Variants in NASP observed in about 807,000 individuals in gnomAD.
NASP encodes nuclear autoantigenic sperm protein.
Under a neutral mutation model 89.5 loss-of-function variants are expected in NASP, and 24 were observed. The observed-to-expected ratio is 0.27, with a 90% CI of 0.19 to 0.38. The LOEUF (loss-of-function observed/expected upper bound fraction) is 0.38. Ranked by LOEUF, NASP falls within the 10% of genes least tolerant of loss-of-function variation. NASP has a pLI of 1.00. For missense variants in NASP, 848 were observed against 921.4 expected, an observed-to-expected ratio of 0.92 and a Z score of 1.03; for synonymous variants, 306 against 324.7, an observed-to-expected ratio of 0.94 and a Z score of 0.62.
At chr1:45,585,354 C>T (rs561200268) in intron 1 of NASP, among the ~76,000 whole-genome samples, 9 of 152,198 alleles carry the variant, frequency 5.9e-5, no homozygotes, top group African/African-American at 2.2e-4. Context: ...ATTCTATAGG[C>T]TTACACTCTG....
intron 1 of NASP, chr1:45,588,727 A>G: frequency 2.7e-6 from 1 of 376,798 alleles, no homozygotes; most frequent in Non-Finnish European, 5.2e-6. Context: ...TCACGAGGTC[A>G]GGAGATCGAG....
chr1:45,585,767 ATCTTCCCTAGTAGC>A (rs779314019), intron 1 of NASP, among the ~76,000 whole-genome samples: 1 of 152,074 alleles, frequency 6.6e-6, no homozygotes, highest in Non-Finnish European at 1.5e-5. Context: ...GGCACAACTG[ATCTTCCCTAGTAGC>A]TTGGGACTAC....
chr1:45,587,249 A>G (rs1034485975), intron 1 of NASP, among the ~76,000 whole-genome samples: 1 of 151,422 alleles, frequency 6.6e-6, no homozygotes, highest in South Asian at 2.1e-4. Flanking sequence ...GCAGTGGCAC[A>G]ATCTCTGCTC....
At chr1:45,617,123 G>GT (rs1052073722) in intron 13 of NASP, 26 of 307,804 alleles carry the variant, frequency 8.4e-5, no homozygotes, top group Admixed American at 7.7e-4. Context: ...GATTATAAGC[G>GT]TGAGCCACTG....
Position 45,607,617 on chromosome 1 carries a change from G to A in NASP, c.706G>A (p.Val236Ile). 5 of 1,614,144 alleles carry A rather than the reference G, an allele frequency of 3.1e-6. No homozygotes were observed. The highest frequency in any genetic ancestry group is 1.1e-5 in the South Asian group (1 of 91,076). ...CACTTCTGGGAAGCCAGAACAGGAAGTACCAGATGCTGAGGAAGAAAAATC... is the reference window on the plus strand; with the variant it reads ...CACTTCTGGGAAGCCAGAACAGGAAATACCAGATGCTGAGGAAGAAAAATC... ...EVTSGKPEQE[V>I]PDAEEEKSVS... Residue 236 changes from valine (V) to isoleucine (I), a missense_variant, in exon 6 of 15, where the codon GTA becomes ATA. Physicochemically the swap from Val to Ile is conservative, Grantham distance 29. This residue lies in a region of NASP where 464 missense variants were observed against 469.4 expected (regional missense o/e 0.99). Transcript: ENST00000350030.
At chr1:45,588,608 G>T in intron 1 of NASP, 1 of 453,226 alleles carries the variant, frequency 2.2e-6, no homozygotes, top group South Asian at 1.6e-5. Context: ...TATTCGATGG[G>T]TAAAACATAC....
intron 1 of NASP, among the ~76,000 whole-genome samples, chr1:45,584,974 G>T (rs576070903): frequency 6.6e-6 from 1 of 152,234 alleles, no homozygotes; most frequent in Non-Finnish European, 1.5e-5. Context: ...TGTCTGTTTG[G>T]GGGGAACATT....
chr1:45,587,869 G>A (rs1005980440), intron 1 of NASP, among the ~76,000 whole-genome samples: 43 of 150,452 alleles, frequency 2.9e-4, no homozygotes, highest in African/African-American at 1.0e-3. Flanking sequence ...TCCTGTAATC[G>A]CTTGAAACCG....
At chr1:45,586,781 C>T (rs1415381939) in intron 1 of NASP, among the ~76,000 whole-genome samples, 1 of 151,896 alleles carries the variant, frequency 6.6e-6, no homozygotes, top group Non-Finnish European at 1.5e-5. Context: ...CATTATAATT[C>T]GAGGATGACC....
chr1:45,606,694 G>C (rs916568819), intron 5 of NASP, 103 bp downstream of exon 5: 10 of 703,554 alleles, frequency 1.4e-5, no homozygotes, highest in Non-Finnish European at 2.1e-5. Context: ...TCTCTCCTAA[G>C]ATGCTTGGGG....
chr1:45,616,713 C>T lies in NASP; in HGVS notation c.2157+10C>T, dbSNP rs749666722. On this transcript the variant is annotated intron_variant, in intron 13 of 14. Transcript: ENST00000350030. ...CCTTGTCAGAAAGAAGGTAAGTCTA[C>T]ATGTGGTGTTTCTTTTCTACCGTTT... The T allele has an allele frequency of 3.1e-6, 5 of 1,607,350 alleles. No individual in the cohort carries two copies. The Admixed American group carries it at 5.0e-5, about 16-fold the overall frequency.
At chr1:45,617,947 G>A in intron 14 of NASP, 114 bp from the exon 15 acceptor site, 1 of 884,930 alleles carries the variant, frequency 1.1e-6, no homozygotes, top group Non-Finnish European at 1.8e-6. Context: ...AATATAGGGA[G>A]CAAAGCAGAG....
At chr1:45,600,014 GTCCC>G (rs1643802003) in intron 2 of NASP, among the ~76,000 whole-genome samples, 1 of 91,840 alleles carries the variant, frequency 1.1e-5, no homozygotes, top group Non-Finnish European at 2.0e-5. Context: ...ATTTGACATT[GTCCC>G]TGTGGTCTTA....
At chr1:45,603,790 G>A (rs923387846) in intron 3 of NASP, among the ~76,000 whole-genome samples, 6 of 151,928 alleles carry the variant, frequency 3.9e-5, no homozygotes, top group African/African-American at 1.5e-4. Context: ...TGTATTTTTA[G>A]TAGAGATGGG....
At chr1:45,615,662 ACTTACGTGTG>A in intron 11 of NASP, 191 bp downstream of exon 11, 1 of 566,812 alleles carries the variant, frequency 1.8e-6, no homozygotes. Flanking sequence ...TTAATTCCAT[ACTTACGTGTG>A]GCCATGGGCC....
At position 45,584,079 on chromosome 1, in the gene NASP, G is replaced by A; in HGVS notation, c.-68G>A. ...TTTTCTGTCCCTGAGTGAGTCTCTG[G>A]CGTCCCAAATTGCCTGTTTTTCTCG... On this transcript the variant is annotated 5_prime_UTR_variant, in exon 1 of 15. Coordinates refer to ENST00000350030, the MANE Select transcript of NASP (RefSeq NM_002482.4). The A allele has an allele frequency of 6.9e-6, 10 of 1,439,896 alleles. No individual in the cohort carries two copies. The highest frequency in any genetic ancestry group is 9.5e-6 in the Non-Finnish European group (10 of 1,048,132). The allele number at this position is 1,439,896 out of a possible 1,614,324, so 89.2% of individuals were successfully genotyped here.
chr1:45,594,433 G>A (rs1211702353), intron 2 of NASP, among the ~76,000 whole-genome samples: 1 of 152,066 alleles, frequency 6.6e-6, no homozygotes, highest in Non-Finnish European at 1.5e-5. Flanking sequence ...TACTTTCAAG[G>A]GGGTTACTCA....
chr1:45,592,847 TA>T (rs1394532333), intron 2 of NASP: 3 of 152,302 alleles, frequency 2.0e-5, no homozygotes, highest in Admixed American at 2.0e-4. Context: ...CATAGGGTTT[TA>T]TGTTTTTCAT....
intron 1 of NASP, among the ~76,000 whole-genome samples, chr1:45,586,266 GTGTGTGTGTGTGTGTGTGGTGTGT>G (rs1644537215): frequency 1.1e-4 from 7 of 61,276 alleles, no homozygotes; most frequent in South Asian, 5.1e-4. Context: ...GTGTGTGTGT[GTGTGTGTGTGTGTGTGTGGTGTGT>G]GTGTGTGTGT....
Sources: gnomAD v4.1 joint callset for allele counts (sites outside exome capture counted in the v4.1 genomes callset) on GRCh38, gnomAD v4.1.1 for gene constraint, gnomAD v4.1.1 regional missense constraint, MANE v1.5 for transcripts, NCBI Gene and HGNC (gene_info 2026-07-23, HGNC 2026-07-21) for gene names.